Variants in GPD1L observed in about 807,000 individuals in gnomAD.
GPD1L encodes the protein glycerol-3-phosphate dehydrogenase 1 like.
Under a neutral mutation model 32.9 loss-of-function variants are expected in GPD1L, and 17 were observed. That is an observed-to-expected ratio of 0.52 (90% confidence interval 0.35 to 0.78). The LOEUF (loss-of-function observed/expected upper bound fraction) is 0.78, where lower values mean the gene tolerates loss of function less well. Ranked by LOEUF, GPD1L falls within the 30% of genes least tolerant of loss-of-function variation. The probability of loss-of-function intolerance (pLI) is 0.01; values close to 1 mark genes in which losing one functional copy is unlikely to be tolerated. For missense variants in GPD1L, 361 were observed against 447.8 expected (o/e 0.81, Z 1.75); for synonymous variants, 187 against 165.9 (o/e 1.13, Z -0.98).
intron 5 of GPD1L, among the ~76,000 whole-genome samples, chr3:32,150,498 CTT>C (rs559342674): frequency 8.5e-5 from 12 of 141,846 alleles, no homozygotes; most frequent in Non-Finnish European, 6.2e-5. Flanking sequence ...TTCTTAACAA[CTT>C]TTTTTTTTTT....
At chr3:32,117,948 G>A (rs1376548626) in intron 1 of GPD1L, among the ~76,000 whole-genome samples, 1 of 152,164 alleles carries the variant, frequency 6.6e-6, no homozygotes, top group Non-Finnish European at 1.5e-5. Context: ...TGATAGCATG[G>A]CTGACCAGGT....
At chr3:32,159,470 A>AC in intron 6 of GPD1L, 98 bp from the exon 7 acceptor site, 1 of 853,232 alleles carries the variant, frequency 1.2e-6, no homozygotes, top group Admixed American at 2.6e-5. Context: ...TTCTCTAAAA[A>AC]AAAAAAAAAA....
intron 4 of GPD1L, among the ~76,000 whole-genome samples, chr3:32,145,124 G>A (rs1038774992): frequency 3.9e-5 from 6 of 151,904 alleles, no homozygotes; most frequent in African/African-American, 1.4e-4. Flanking sequence ...TTCGAGACCA[G>A]CCTGGCCAAC....
chr3:32,155,157 A>C (rs921592522), intron 5 of GPD1L, among the ~76,000 whole-genome samples: 1 of 152,090 alleles, frequency 6.6e-6, no homozygotes, highest in Non-Finnish European at 1.5e-5. Flanking sequence ...GATTTCCCAC[A>C]CTGGAGCAGC....
intron 5 of GPD1L, among the ~76,000 whole-genome samples, chr3:32,149,945 T>A (rs1287172722): frequency 9.1e-6 from 1 of 110,156 alleles, no homozygotes; most frequent in East Asian, 5.8e-4. Flanking sequence ...TGAGACTCCG[T>A]CTCAAAAAAA....
At chr3:32,129,504 A>C (rs1028490846) in intron 2 of GPD1L, among the ~76,000 whole-genome samples, 6 of 152,164 alleles carry the variant, frequency 3.9e-5, no homozygotes, top group African/African-American at 1.2e-4. Context: ...TATTAGGGTG[A>C]TTATTTTGAT....
At position 32,158,905 on chromosome 3, in the gene GPD1L, C is replaced by T. The variant is rs145648143; in HGVS notation, c.648C>T (p.Cys216=). ...TCGTAGCTGTGGGAGCTGGGTTCTG[C>T]GACGGCCTCCGCTGTGGAGACAACA... ...KNIVAVGAGF[C]DGLRCGDNTK... Residue 216 remains cysteine, a synonymous_variant, in exon 6 of 8, where the codon TGC becomes TGT. Transcript: ENST00000282541. The T allele has an allele frequency of 1.3e-5, 21 of 1,613,862 alleles. No homozygotes were observed. Among genetic ancestry groups the T allele is most frequent in the African/African-American group, 9.3e-5 (7 of 74,916 alleles).
chr3:32,131,805 A>G (rs1219299512), intron 2 of GPD1L, among the ~76,000 whole-genome samples: 1 of 152,232 alleles, frequency 6.6e-6, no homozygotes, highest in Non-Finnish European at 1.5e-5. Context: ...TTTTTGAGGA[A>G]CTGCCAGACT....
At chr3:32,145,952 G>A (rs1371341854) in intron 4 of GPD1L, among the ~76,000 whole-genome samples, 1 of 151,936 alleles carries the variant, frequency 6.6e-6, no homozygotes, top group Non-Finnish European at 1.5e-5. Context: ...CCCATCTTTA[G>A]AAATGATTAA....
In GPD1L at chr3:32,167,963, T is replaced by C. The variant is rs1701172298; in HGVS notation, c.*2053T>C. On this transcript the variant is annotated 3_prime_UTR_variant, in exon 8 of 8. Transcript: ENST00000282541. Reference sequence around the variant, plus strand: ...ATCTTTGTTAAAGTTTGTACACAGGTAACAAAAAGTTACTTTAAAAGATAT... The same window carrying C: ...ATCTTTGTTAAAGTTTGTACACAGGCAACAAAAAGTTACTTTAAAAGATAT... The C allele has an allele frequency of 6.6e-6, 1 of 152,184 alleles. No individual in the cohort carries two copies. Among genetic ancestry groups the C allele is most frequent in the Non-Finnish European group, 1.5e-5 (1 of 68,028 alleles). 9.4% of individuals were successfully genotyped at this position (152,184 alleles called of 1,614,324 possible).
chr3:32,115,064 AC>A (rs1417850430), intron 1 of GPD1L, among the ~76,000 whole-genome samples: 2 of 152,244 alleles, frequency 1.3e-5, no homozygotes, highest in African/African-American at 4.8e-5. Flanking sequence ...GCCGGTTGCC[AC>A]CACTGGCTGG....
rs190259622 is a variant in GPD1L at position 32,151,741 on chromosome 3, C to T, written c.618+5007C>T. On this transcript the variant is annotated intron_variant, in intron 5 of 7. Coordinates refer to ENST00000282541, the MANE Select transcript of GPD1L (RefSeq NM_015141.4). Reference sequence around the variant, plus strand: ...TGATCCATCAGCCTTGGCCTCCCAACGTGCTAGGATTATAGACCTGAGCCA... The same window carrying T: ...TGATCCATCAGCCTTGGCCTCCCAATGTGCTAGGATTATAGACCTGAGCCA... 1.9e-4 allele frequency: 30 copies of T among 157,042 alleles called. 1 individual carries two copies. Among genetic ancestry groups the T allele is most frequent in the East Asian group, 1.7e-3 (9 of 5,294 alleles). The allele number at this position is 157,042 out of a possible 1,614,324, so 9.7% of individuals were successfully genotyped here. A position where few individuals can be genotyped will look rare whatever the true frequency, so the allele number is the denominator to read the frequency against.
At chr3:32,107,511 G>A (rs1393603929) in intron 1 of GPD1L, among the ~76,000 whole-genome samples, 1 of 152,230 alleles carries the variant, frequency 6.6e-6, no homozygotes, top group Non-Finnish European at 1.5e-5. Flanking sequence ...AGAGGTGGGG[G>A]TGTGAAGGGG....
intron 5 of GPD1L, among the ~76,000 whole-genome samples, chr3:32,152,336 C>G (rs1265211261): frequency 2.6e-5 from 4 of 152,198 alleles, no homozygotes; most frequent in Non-Finnish European, 1.5e-5. Flanking sequence ...TTCCAGCTCA[C>G]TTGGTGCTTA....
At position 32,156,214 on chromosome 3, in the gene GPD1L, T is replaced by C. The variant is rs1255506640; in HGVS notation, c.619-2662T>C. ...AGTGTGTAAGCCGGGAATTACACAC[T>C]GATGAGAACTGATGAAACCTATAGT... On this transcript the variant is annotated intron_variant, in intron 5 of 7. Transcript: ENST00000282541. Among the ~76,000 whole-genome samples, 11 of 152,294 alleles carry C rather than the reference T, an allele frequency of 7.2e-5. No individual in the cohort carries two copies. The East Asian group carries it at 2.1e-3, about 29-fold the overall frequency.
In GPD1L at chr3:32,140,392, A is replaced by G. The variant is rs748923463; in HGVS notation, c.505+26A>G. 5 of 1,613,000 alleles carry G rather than the reference A, an allele frequency of 3.1e-6. No individual in the cohort carries two copies. The Admixed American group carries it at 8.3e-5, about 27-fold the overall frequency. On this transcript the variant is annotated intron_variant, in intron 4 of 7. Transcript: ENST00000282541. ...GTAAGCACTGCCTGGGAGGGACCCC[A>G]GGAGTCTGGACATTTGATGTTTGAA...
intron 1 of GPD1L, among the ~76,000 whole-genome samples, chr3:32,110,159 C>T (rs1700225897): frequency 6.6e-6 from 1 of 152,254 alleles, no homozygotes; most frequent in South Asian, 2.1e-4. Context: ...ACGTCGTGAT[C>T]TGCCTGCCTC....
At chr3:32,144,374 C>G (rs570749730) in intron 4 of GPD1L, among the ~76,000 whole-genome samples, 2 of 152,116 alleles carry the variant, frequency 1.3e-5, no homozygotes, top group Non-Finnish European at 2.9e-5. Flanking sequence ...AGTCATTCCA[C>G]AAATATTTTT....
rs776329795 is a variant in GPD1L at position 32,138,734 on chromosome 3, CGAGTGCATGCTGCCCAG to C, written c.366+9_366+25del. 3 of 1,613,590 alleles carry C rather than the reference CGAGTGCATGCTGCCCAG, an allele frequency of 1.9e-6. No individual in the cohort carries two copies. In the South Asian group the frequency reaches 3.3e-5, roughly 18 times the overall value. On this transcript the variant is annotated splice_region_variant and intron_variant, in intron 3 of 7. Coordinates refer to ENST00000282541, the MANE Select transcript of GPD1L (RefSeq NM_015141.4). The stretch of plus-strand genomic sequence containing the variant: ...GGGAATCACCCTCATCAAGGTAACT[CGAGTGCATGCTGCCCAG>C]GGCTAGACATTGGTTATCAGGAAAT...
Sources: allele counts gnomAD v4.1 joint callset (sites outside exome capture counted in the v4.1 genomes callset), GRCh38; gene constraint gnomAD v4.1.1; transcripts MANE v1.5; gene names NCBI Gene and HGNC (gene_info 2026-07-23, HGNC 2026-07-21).